The following SIN3B variants were observed in gnomAD, a reference collection of about 807,000 sequenced individuals.
The protein encoded by SIN3B is paired amphipathic helix protein Sin3b.
In SIN3B, 19 loss-of-function variants were observed where a neutral mutation model predicts 120.2. That is an observed-to-expected ratio of 0.16 (90% CI 0.11 to 0.23). SIN3B has a LOEUF of 0.23. SIN3B is among the 10% of genes least tolerant of loss of function. The pLI, the probability that SIN3B is intolerant of heterozygous loss-of-function variation, is 1.00. For synonymous variants in SIN3B, 654 were observed against 653.2 expected, an observed-to-expected ratio of 1.00 and a Z score of -0.02; for missense variants, 1,073 against 1,573.0, an observed-to-expected ratio of 0.68 and a Z score of 5.38.
chr19:16,876,729 G>T lies in SIN3B; in HGVS notation c.2859+151G>T. On this transcript the variant is annotated intron_variant, in intron 16 of 18. Transcript: ENST00000248054. This position sits in a 1 kb window ranked among gnomAD's most constrained non-coding sequence, Gnocchi z 7.1. ...CTCTCCTTGAGGCCTGGTGGGTGGGGTTGCCTCCCTCCCTGCTCCCCCACC... is the reference window on the plus strand; with the variant it reads ...CTCTCCTTGAGGCCTGGTGGGTGGGTTTGCCTCCCTCCCTGCTCCCCCACC... 2 of 611,354 alleles carry T rather than the reference G, an allele frequency of 3.3e-6. No homozygotes were observed. Among genetic ancestry groups the T allele is most frequent in the Admixed American group, 3.1e-5 (1 of 32,170 alleles). The allele number at this position is 611,354 out of a possible 1,614,324, so 37.9% of individuals were successfully genotyped here.
At chr19:16,854,430 A>G (rs1285168611) in intron 8 of SIN3B, 169 bp downstream of exon 8, 5 of 574,272 alleles carry the variant, frequency 8.7e-6, no homozygotes, top group Non-Finnish European at 1.5e-5. Context: ...GTAAGGAGCA[A>G]TACACCACCT....
Position 16,876,540 on chromosome 19 carries a change from A to G in SIN3B, c.2821A>G (p.Thr941Ala), listed in dbSNP as rs1156835205. The G allele has an allele frequency of 6.2e-6, 10 of 1,613,472 alleles. No individual in the cohort carries two copies. The highest frequency in any genetic ancestry group is 7.6e-6 in the Non-Finnish European group (9 of 1,179,892). Residue 941 changes from threonine (T) to alanine (A), a missense_variant, in exon 16 of 19, where the codon ACC (threonine) becomes GCC (alanine). Physicochemically the swap from Thr to Ala is moderately conservative, Grantham distance 58. This residue lies in a region of SIN3B where 311 missense variants were observed against 400.3 expected (regional missense o/e 0.78). Transcript: ENST00000248054. This position sits in a 1 kb window ranked among gnomAD's most constrained non-coding sequence, Gnocchi z 7.1. The part of the protein sequence containing the change: ...QVIMTIELLD[T>A]EEAQTEDPVE... ...GATCATGACCATCGAGCTCCTGGAC[A>G]CCGAGGAGGCCCAGACGGAGGACCC...
At chr19:16,833,722 G>GT (rs1163593716) in intron 3 of SIN3B, among the ~76,000 whole-genome samples, 152 of 146,166 alleles carry the variant, frequency 1.0e-3, no homozygotes, top group African/African-American at 2.8e-3. Context: ...GAGTCTCAGG[G>GT]TTTTTTTTTT....
intron 8 of SIN3B, 63 bp downstream of exon 8, chr19:16,854,324 G>T (rs1174800838): frequency 2.0e-6 from 2 of 993,238 alleles, no homozygotes; most frequent in Non-Finnish European, 3.0e-6. Flanking sequence ...CCATCTACTT[G>T]GTTTTTAGTT....
chr19:16,831,427 G>T (rs2144569390), intron 2 of SIN3B, 67 bp from the exon 3 acceptor site: 1 of 1,497,254 alleles, frequency 6.7e-7, no homozygotes, highest in East Asian at 2.3e-5. Flanking sequence ...TCAAGGGAGT[G>T]GGGAATAGAT....
At position 16,876,639 on chromosome 19, in the gene SIN3B, G is replaced by A; in HGVS notation, c.2859+61G>A. On this transcript the variant is annotated intron_variant, in intron 16 of 18. Coordinates refer to ENST00000248054, the MANE Select transcript of SIN3B (RefSeq NM_001297595.2). The surrounding 1 kb of genome is among the most constrained non-coding windows in gnomAD (Gnocchi z 7.1). ...AGGGAGCGCCTGAGGGCAGCAGCAT[G>A]GGGCTCCCACCAGCCAAGCGCAGGC... is the stretch of plus-strand genomic sequence containing the variant. The A allele has an allele frequency of 7.3e-7, 1 of 1,369,586 alleles. No individual in the cohort carries two copies. The highest frequency in any genetic ancestry group is 1.0e-6 in the Non-Finnish European group (1 of 969,756). The allele number at this position is 1,369,586 out of a possible 1,614,324, so 84.8% of individuals were successfully genotyped here.
intron 8 of SIN3B, among the ~76,000 whole-genome samples, chr19:16,856,901 A>G (rs1444508436): frequency 2.6e-5 from 4 of 152,086 alleles, no homozygotes; most frequent in African/African-American, 9.7e-5. Context: ...GTTCTTGCAC[A>G]TGGTGGGTGC....
chr19:16,865,736 C>G (rs1971763157), intron 11 of SIN3B, 88 bp downstream of exon 11: 3 of 921,610 alleles, frequency 3.3e-6, no homozygotes, highest in South Asian at 3.2e-5. Context: ...GCAGGGAGCC[C>G]TTGGAGAGCT....
chr19:16,869,300 C>A (rs1387194295), intron 12 of SIN3B, among the ~76,000 whole-genome samples, 160 bp from the exon 13 acceptor site: 1 of 152,168 alleles, frequency 6.6e-6, no homozygotes, highest in Non-Finnish European at 1.5e-5. Flanking sequence ...AGCGACCTAC[C>A]CCCCAGGCCC....
At chr19:16,872,430 T>A (rs2051523380) in intron 14 of SIN3B, 1 of 151,900 alleles carries the variant, frequency 6.6e-6, no homozygotes, top group African/African-American at 2.4e-5. Context: ...CAACCCTGAT[T>A]TCTTTTTCTT....
At chr19:16,871,434 G>A (rs374638362) in intron 14 of SIN3B, 36 bp downstream of exon 14, 188 of 1,557,708 alleles carry the variant, frequency 1.2e-4, no homozygotes, top group Non-Finnish European at 7.3e-5. Context: ...CCCTGAGGAC[G>A]GCGGAAATGG....
chr19:16,869,706 C>T lies in SIN3B; in HGVS notation c.2053C>T (p.Arg685Trp), dbSNP rs997851710. The change falls in exon 13 of 19, where the codon CGG (arginine) becomes TGG (tryptophan). Residue 685 changes from arginine to tryptophan, a missense_variant. Around this residue, in one of 7 missense-constraint regions of SIN3B, gnomAD observed 169 missense variants for 207.3 expected, o/e 0.82. Transcript: ENST00000248054. ...GASEESADED[R>W]DSPQGQTTDP... ...CTCCGAGGAGTCAGCTGATGAGGAC[C>T]GGGACAGCCCCCAGGGGCAGACCAC... 3.7e-5 allele frequency: 59 copies of T among 1,613,288 alleles called. No homozygotes were observed. Among genetic ancestry groups the T allele is most frequent in the East Asian group, 1.1e-4 (5 of 44,894 alleles).
intron 1 of SIN3B, 124 bp downstream of exon 1, chr19:16,829,664 C>T (rs1971252300): frequency 8.2e-7 from 1 of 1,219,302 alleles, no homozygotes. Flanking sequence ...TGCCCCGGAC[C>T]CCTCACCCCT....
intron 5 of SIN3B, among the ~76,000 whole-genome samples, chr19:16,848,426 GTTTTT>G (rs11293258): frequency 1.7e-5 from 2 of 116,966 alleles, no homozygotes; most frequent in South Asian, 2.7e-4. Flanking sequence ...TCTTTTCCAG[GTTTTT>G]TTTTTTTTTT....
intron 4 of SIN3B, among the ~76,000 whole-genome samples, chr19:16,842,810 A>T (rs1315231190): frequency 6.6e-6 from 1 of 152,094 alleles, no homozygotes; most frequent in Non-Finnish European, 1.5e-5. Context: ...CCGGTTCCCA[A>T]CCCGTCCGGG....
In SIN3B at chr19:16,829,492, C is replaced by A; in HGVS notation, c.72C>A (p.Ala24=). 8.2e-7 allele frequency: 1 copy of A among 1,222,406 alleles called. No individual in the cohort carries two copies. The highest frequency in any genetic ancestry group is 4.1e-5 in the South Asian group (1 of 24,406). 75.7% of individuals were successfully genotyped at this position (1,222,406 alleles called of 1,614,324 possible). A position where few individuals can be genotyped will look rare whatever the true frequency, so the allele number is the denominator to read the frequency against. The part of the protein sequence containing the change: ...GGPAGRGLSG[A]RWGRSGSAGH... ...CCGCGGGCCGGGGGCTGAGCGGCGCCCGCTGGGGTCGCTCGGGCTCCGCAG... is the reference window on the plus strand; with the variant it reads ...CCGCGGGCCGGGGGCTGAGCGGCGCACGCTGGGGTCGCTCGGGCTCCGCAG... The change falls in exon 1 of 19, where the codon GCC becomes GCA. Residue 24 remains alanine (A), a synonymous_variant. Coordinates refer to ENST00000248054, the MANE Select transcript of SIN3B (RefSeq NM_001297595.2).
intron 5 of SIN3B, among the ~76,000 whole-genome samples, chr19:16,848,735 A>G (rs1489161187): frequency 6.6e-6 from 1 of 152,200 alleles, no homozygotes; most frequent in Non-Finnish European, 1.5e-5. Flanking sequence ...TCCTGGCCTC[A>G]AGCGATCCAC....
rs1289871741 is a variant in SIN3B at position 16,865,667 on chromosome 19, A to ACTTCCCTTCCCCTTCCCCTTCCCC, written c.1622+27_1622+50dup. The ACTTCCCTTCCCCTTCCCCTTCCCC allele has an allele frequency of 1.6e-5, 25 of 1,524,712 alleles. No individual in the cohort carries two copies. The highest frequency in any genetic ancestry group is 1.8e-5 in the Admixed American group (1 of 55,570). 94.4% of individuals were successfully genotyped at this position (1,524,712 alleles called of 1,614,324 possible). A position where few individuals can be genotyped will look rare whatever the true frequency, so the allele number is the denominator to read the frequency against. On this transcript the variant is annotated intron_variant, in intron 11 of 18. Coordinates refer to ENST00000248054, the MANE Select transcript of SIN3B (RefSeq NM_001297595.2). ...TGAAAAGGTGCCCTGTGGCGTCCCG[A>ACTTCCCTTCCCCTTCCCCTTCCCC]CTTCCCTTCCCCTTCCCCTTCCCCC... is the stretch of plus-strand genomic sequence containing the variant.
chr19:16,856,582 T>TG (rs1272146810), intron 8 of SIN3B, among the ~76,000 whole-genome samples: 1 of 152,114 alleles, frequency 6.6e-6, no homozygotes, highest in African/African-American at 2.4e-5. Context: ...AAGATTTTTT[T>TG]TTTTTTCAAG....
Sources: gnomAD v4.1 joint callset for allele counts (sites outside exome capture counted in the v4.1 genomes callset) on GRCh38, gnomAD v4.1.1 for gene constraint, gnomAD v4.1.1 regional missense constraint, Gnocchi (gnomAD v3.1) non-coding constraint, MANE v1.5 for transcripts, NCBI Gene and HGNC (gene_info 2026-07-23, HGNC 2026-07-21) for gene names.